Variants in MNDA observed in about 807,000 individuals in gnomAD.
MNDA encodes the protein myeloid cell nuclear differentiation antigen.
MNDA carries 43 observed loss-of-function variants against 37.8 expected under a neutral mutation model. The observed-to-expected ratio is 1.14, with a 90% CI of 0.89 to 1.47. The LOEUF (loss-of-function observed/expected upper bound fraction) is 1.47, where lower values mean the gene tolerates loss of function less well. Ranked by LOEUF, MNDA falls within the 40% of genes most tolerant of loss-of-function variation. The probability of loss-of-function intolerance (pLI) is 0.00; values close to 1 mark genes in which losing one functional copy is unlikely to be tolerated. For synonymous variants in MNDA, 181 were observed against 169.0 expected, an observed-to-expected ratio of 1.07 and a Z score of -0.55; for missense variants, 536 against 476.0, an observed-to-expected ratio of 1.13 and a Z score of -1.17.
intron 1 of MNDA, among the ~76,000 whole-genome samples, chr1:158,837,843 A>ATTTT (rs57139123): frequency 0.17 from 26,204 of 150,248 alleles, 2,466 homozygotes; most frequent in Admixed American, 0.26. Flanking sequence ...GTAGTGAAAC[A>ATTTT]TTTTTATGTT....
chr1:158,848,338 T>C (rs185814748), intron 6 of MNDA, among the ~76,000 whole-genome samples: 153 of 152,276 alleles, frequency 1.0e-3, no homozygotes, highest in African/African-American at 3.4e-3. Context: ...ATATTAATTA[T>C]CTCACAACCT....
intron 1 of MNDA, among the ~76,000 whole-genome samples, chr1:158,836,622 G>A (rs891953838): frequency 1.5e-4 from 22 of 151,586 alleles, no homozygotes; most frequent in Admixed American, 7.9e-4. Context: ...TTTCTTCTAT[G>A]TCAATTCAGT....
At chr1:158,832,737 T>C (rs1446021773) in intron 1 of MNDA, among the ~76,000 whole-genome samples, 1 of 152,020 alleles carries the variant, frequency 6.6e-6, no homozygotes, top group Non-Finnish European at 1.5e-5. Flanking sequence ...TTTCTTTAAG[T>C]TAGAGTTTGA....
chr1:158,845,784 G>C lies in MNDA; in HGVS notation c.768G>C (p.Leu256Phe), dbSNP rs752465958. 22 of 1,613,918 alleles carry C rather than the reference G, an allele frequency of 1.4e-5. No homozygotes were observed. In the Admixed American group the frequency reaches 3.7e-4, roughly 27 times the overall value. The change falls in exon 5 of 7, where the codon TTG (leucine) becomes TTC (phenylalanine). Residue 256 changes from leucine to phenylalanine, a missense_variant. Transcript: ENST00000368141. ...YFHVKVFDIN[L>F]KEKFVRKKVI... ...ATGTGAAAGTCTTCGACATCAACTT[G>C]AAAGAGAAATTTGTAAGGAAGAAGG...
chr1:158,845,081 A>G (rs1659105186), intron 4 of MNDA, among the ~76,000 whole-genome samples: 1 of 152,140 alleles, frequency 6.6e-6, no homozygotes, highest in African/African-American at 2.4e-5. Flanking sequence ...TTACCAGCTC[A>G]TGTGCCTTTC....
At chr1:158,840,849 T>G (rs2102048680) in intron 1 of MNDA, among the ~76,000 whole-genome samples, 1 of 152,230 alleles carries the variant, frequency 6.6e-6, no homozygotes, top group Non-Finnish European at 1.5e-5. Flanking sequence ...ATCTGATAGG[T>G]TTAAACACAG....
At position 158,844,127 on chromosome 1, in the gene MNDA, ACTCTTC is replaced by A. The variant is rs755892404; in HGVS notation, c.570+8_570+13del. On this transcript the variant is annotated splice_donor_region_variant and intron_variant, in intron 4 of 6. Transcript: ENST00000368141. ...TCCAACACTTCGTTTACTCCGGTAC[ACTCTTC>A]CTGGTCCTCTTCTCCATTTTTTTTT... 7.8e-6 allele frequency: 12 copies of A among 1,548,190 alleles called. No individual in the cohort carries two copies. The South Asian group carries it at 1.5e-4, about 19-fold the overall frequency.
intron 6 of MNDA, 91 bp from the exon 7 acceptor site, chr1:158,849,098 AG>A (rs1190410607): frequency 1.1e-6 from 1 of 935,090 alleles, no homozygotes; most frequent in Non-Finnish European, 1.6e-6. Flanking sequence ...GCCAATGGGA[AG>A]AAAAGATATG....
intron 2 of MNDA, among the ~76,000 whole-genome samples, 198 bp from the exon 3 acceptor site, chr1:158,843,081 A>G (rs1659063809): frequency 6.6e-6 from 1 of 152,196 alleles, no homozygotes; most frequent in Non-Finnish European, 1.5e-5. Context: ...AGCACTGAGG[A>G]GAATGAGACA....
At chr1:158,848,549 A>G (rs1659188660) in intron 6 of MNDA, among the ~76,000 whole-genome samples, 1 of 152,218 alleles carries the variant, frequency 6.6e-6, no homozygotes, top group Non-Finnish European at 1.5e-5. Flanking sequence ...ACTGAGGCCC[A>G]AAGATGAAAA....
At chr1:158,846,068 A>G in intron 5 of MNDA, 65 bp downstream of exon 5, 1 of 1,398,700 alleles carries the variant, frequency 7.1e-7, no homozygotes, top group Non-Finnish European at 9.7e-7. Context: ...TTAATTTGCC[A>G]GACTTACTGT....
intron 1 of MNDA, among the ~76,000 whole-genome samples, chr1:158,836,167 A>G (rs1183470852): frequency 1.3e-5 from 2 of 151,966 alleles, no homozygotes; most frequent in Non-Finnish European, 2.9e-5. Flanking sequence ...CGACATGCAT[A>G]AGGGATATTG....
intron 1 of MNDA, among the ~76,000 whole-genome samples, chr1:158,841,128 A>G (rs1225921716): frequency 6.6e-6 from 1 of 152,212 alleles, no homozygotes; most frequent in Non-Finnish European, 1.5e-5. Context: ...AAGTATTCAG[A>G]GGAAGAAAAC....
At chr1:158,844,735 A>T (rs1412928652) in intron 4 of MNDA, among the ~76,000 whole-genome samples, 1 of 151,776 alleles carries the variant, frequency 6.6e-6, no homozygotes. Context: ...TACACTAGTG[A>T]TCATTAGAAT....
At chr1:158,848,053 T>C in intron 6 of MNDA, 137 bp downstream of exon 6, 1 of 755,222 alleles carries the variant, frequency 1.3e-6, no homozygotes. Flanking sequence ...GCCCTTGCAT[T>C]TGTAACTGGA....
At chr1:158,837,838 G>A (rs578176656) in intron 1 of MNDA, among the ~76,000 whole-genome samples, 39 of 142,998 alleles carry the variant, frequency 2.7e-4, no homozygotes, top group African/African-American at 9.3e-4. Flanking sequence ...TTTCTGTAGT[G>A]AAACATTTTT....
chr1:158,837,778 G>A (rs1431344480), intron 1 of MNDA, among the ~76,000 whole-genome samples: 1 of 151,524 alleles, frequency 6.6e-6, no homozygotes, highest in South Asian at 2.1e-4. Context: ...TTTGTTTTCT[G>A]TATGTCTTAA....
chr1:158,834,971 C>G (rs1658878916), intron 1 of MNDA, among the ~76,000 whole-genome samples: 1 of 152,130 alleles, frequency 6.6e-6, no homozygotes. Flanking sequence ...TTCCATTGTT[C>G]TTTATGTCTG....
intron 6 of MNDA, 103 bp downstream of exon 6, chr1:158,848,019 G>A (rs935565483): frequency 2.2e-5 from 23 of 1,040,372 alleles, no homozygotes; most frequent in Admixed American, 4.7e-5. Flanking sequence ...AGAGTCCAGC[G>A]AGTGGAAGGA....
Sources: allele counts gnomAD v4.1 joint callset (sites outside exome capture counted in the v4.1 genomes callset), GRCh38; gene constraint gnomAD v4.1.1; transcripts MANE v1.5; gene names NCBI Gene and HGNC (gene_info 2026-07-23, HGNC 2026-07-21).